SLX4IP: variants seen among roughly 807,000 people sequenced by gnomAD.
The protein encoded by SLX4IP is SLX4 interacting protein.
A neutral mutation model predicts 32.9 loss-of-function variants in SLX4IP; 34 were observed. The observed-to-expected ratio is 1.03, with a 90% CI of 0.79 to 1.38. The LOEUF is 1.38. Among genes scored for constraint, SLX4IP ranks in the 40% most tolerant of loss-of-function variants. SLX4IP has a pLI of 0.00. For missense variants in SLX4IP, 444 were observed against 479.0 expected, an observed-to-expected ratio of 0.93 and a Z score of 0.68; for synonymous variants, 172 against 171.7, an observed-to-expected ratio of 1.00 and a Z score of -0.01.
At chr20:10,573,273 C>T (rs1324933815) in intron 4 of SLX4IP, among the ~76,000 whole-genome samples, 2 of 152,208 alleles carry the variant, frequency 1.3e-5, no homozygotes, top group African/African-American at 2.4e-5. Context: ...TTCCTCCATA[C>T]AAACCTTCAG....
chr20:10,517,579 G>A (rs960735920), intron 2 of SLX4IP, among the ~76,000 whole-genome samples: 6 of 152,220 alleles, frequency 3.9e-5, no homozygotes, highest in South Asian at 4.1e-4. Flanking sequence ...CTCCTTGTCC[G>A]TAGGCCGCTT....
chr20:10,458,273 T>G, intron 2 of SLX4IP, 42 bp downstream of exon 2: 1 of 1,516,304 alleles, frequency 6.6e-7, no homozygotes, highest in East Asian at 2.3e-5. Context: ...GGCTAATCAC[T>G]TTCTAATATA....
intron 4 of SLX4IP, among the ~76,000 whole-genome samples, chr20:10,591,767 G>A (rs2066712390): frequency 6.6e-6 from 1 of 152,150 alleles, no homozygotes; most frequent in Admixed American, 6.5e-5. Context: ...CATATTTAAT[G>A]TTAAGGGCCT....
intron 6 of SLX4IP, among the ~76,000 whole-genome samples, chr20:10,602,153 T>G (rs767396759): frequency 6.6e-5 from 10 of 152,198 alleles, no homozygotes; most frequent in Non-Finnish European, 1.2e-4. Flanking sequence ...AAAATCCACA[T>G]GTTTCCACTG....
chr20:10,487,946 T>C lies in SLX4IP; in HGVS notation c.27+29715T>C, dbSNP rs188992516. Among the ~76,000 whole-genome samples, 5 of 152,290 alleles carry C rather than the reference T, an allele frequency of 3.3e-5. No homozygotes were observed. The East Asian group carries it at 9.6e-4, about 29-fold the overall frequency. On this transcript the variant is annotated intron_variant, in intron 2 of 7. Transcript: ENST00000334534. ...CTGGCATTTGAATGTTTCATTGTCCTTTGTGAGATATCAGTTTTTTGTGGG... is the reference window on the plus strand; with the variant it reads ...CTGGCATTTGAATGTTTCATTGTCCCTTGTGAGATATCAGTTTTTTGTGGG...
chr20:10,452,680 A>AT (rs1555805196), intron 1 of SLX4IP, among the ~76,000 whole-genome samples: 7,621 of 109,288 alleles, frequency 0.07, 358 homozygotes, highest in African/African-American at 0.13. Flanking sequence ...AAAAAAAAAA[A>AT]ATATATATAT....
chr20:10,583,689 A>T (rs2066612034), intron 4 of SLX4IP, among the ~76,000 whole-genome samples: 1 of 152,304 alleles, frequency 6.6e-6, no homozygotes, highest in Non-Finnish European at 1.5e-5. Flanking sequence ...CTCATCTGGC[A>T]ACACATGATT....
At chr20:10,459,713 T>C (rs981068924) in intron 2 of SLX4IP, among the ~76,000 whole-genome samples, 1 of 152,200 alleles carries the variant, frequency 6.6e-6, no homozygotes, top group Admixed American at 6.5e-5. Flanking sequence ...TTCATTTTCC[T>C]CTTATAAATG....
At chr20:10,489,407 C>T (rs930139723) in intron 2 of SLX4IP, among the ~76,000 whole-genome samples, 3 of 152,114 alleles carry the variant, frequency 2.0e-5, no homozygotes, top group Admixed American at 2.0e-4. Context: ...AAGGCCTTCT[C>T]TTTAGATTTT....
At chr20:10,472,637 A>C (rs951113074) in intron 2 of SLX4IP, among the ~76,000 whole-genome samples, 1 of 152,190 alleles carries the variant, frequency 6.6e-6, no homozygotes, top group Admixed American at 6.5e-5. Flanking sequence ...GGGCCTTAAG[A>C]TTGACCAGCA....
At chr20:10,467,724 A>G (rs2065392209) in intron 2 of SLX4IP, among the ~76,000 whole-genome samples, 1 of 152,190 alleles carries the variant, frequency 6.6e-6, no homozygotes, top group Admixed American at 6.5e-5. Flanking sequence ...AAAATTAGTA[A>G]AAGTTTTCAC....
At chr20:10,493,945 G>T (rs1291856000) in intron 2 of SLX4IP, among the ~76,000 whole-genome samples, 1 of 133,172 alleles carries the variant, frequency 7.5e-6, no homozygotes, top group Non-Finnish European at 1.5e-5. Context: ...TGATCCTCCT[G>T]CTTTGGCCTC....
At position 10,626,009 on chromosome 20, in the gene SLX4IP, CTTTTTTTTTTTTTTT is replaced by C. The variant is rs148432517; in HGVS notation, c.*2639_*2653del. ...TGGGAATGGTATGTGTTTTGACATT[CTTTTTTTTTTTTTTT>C]TTTTTTTTGAGACAGAGTCTCGCTC... On this transcript the variant is annotated 3_prime_UTR_variant, in exon 8 of 8. Transcript: ENST00000334534. 2 of 81,218 alleles carry C rather than the reference CTTTTTTTTTTTTTTT, an allele frequency of 2.5e-5. No homozygotes were observed. The highest frequency in any genetic ancestry group is 1.0e-3 in the South Asian group (2 of 1,976). The allele number at this position is 81,218 out of a possible 1,614,324, so 5.0% of individuals were successfully genotyped here. A position where few individuals can be genotyped will look rare whatever the true frequency, so the allele number is the denominator to read the frequency against.
intron 1 of SLX4IP, among the ~76,000 whole-genome samples, chr20:10,449,587 A>G (rs1424891563): frequency 6.6e-6 from 1 of 152,212 alleles, no homozygotes; most frequent in Non-Finnish European, 1.5e-5. Flanking sequence ...GCCTGGTCCC[A>G]TAAGTTCTCA....
chr20:10,479,972 C>T (rs1300384118), intron 2 of SLX4IP, among the ~76,000 whole-genome samples: 1 of 152,072 alleles, frequency 6.6e-6, no homozygotes, highest in Non-Finnish European at 1.5e-5. Context: ...CCATTGCACT[C>T]CAGCCTGGCG....
At chr20:10,621,761 A>G (rs1039004855) in intron 7 of SLX4IP, among the ~76,000 whole-genome samples, 2 of 152,206 alleles carry the variant, frequency 1.3e-5, no homozygotes, top group African/African-American at 4.8e-5. Context: ...AATTACGATA[A>G]TCCTCATGCT....
chr20:10,605,858 A>G (rs1404640118), intron 6 of SLX4IP, among the ~76,000 whole-genome samples: 1 of 152,164 alleles, frequency 6.6e-6, no homozygotes, highest in East Asian at 1.9e-4. Context: ...CTTAAGGCAC[A>G]CTACTGTTTA....
chr20:10,485,978 A>G (rs574391934), intron 2 of SLX4IP, among the ~76,000 whole-genome samples: 30 of 152,190 alleles, frequency 2.0e-4, no homozygotes, highest in Non-Finnish European at 3.7e-4. Flanking sequence ...GTGGAGGCAG[A>G]AGAAGTGGAG....
Position 10,594,229 on chromosome 20 carries a change from A to G in SLX4IP, c.239-4446A>G, listed in dbSNP as rs149562897. On this transcript the variant is annotated intron_variant, in intron 4 of 7. Transcript: ENST00000334534. The stretch of plus-strand genomic sequence containing the variant: ...AATGTTTCAGACTGTGTGAGTGATG[A>G]TAATAATGGAGTCATCTCAGGGAGA... Among the ~76,000 whole-genome samples, 34 of 152,288 alleles carry G rather than the reference A, an allele frequency of 2.2e-4. No homozygotes were observed. The East Asian group carries it at 5.6e-3, about 25-fold the overall frequency.
Sources: allele counts gnomAD v4.1 joint callset (sites outside exome capture counted in the v4.1 genomes callset), GRCh38; gene constraint gnomAD v4.1.1; transcripts MANE v1.5; gene names NCBI Gene and HGNC (gene_info 2026-07-23, HGNC 2026-07-21).